The following ASB13 variants were observed in gnomAD, a reference collection of about 807,000 sequenced individuals.
ASB13 encodes ankyrin repeat and SOCS box containing 13, also known as ankyrin repeat and SOCS box protein 13.
In ASB13, 33 loss-of-function variants were observed where a neutral mutation model predicts 28.8. The observed-to-expected ratio is 1.15, with a 90% CI of 0.87 to 1.53. The LOEUF is 1.53. Ranked by LOEUF, ASB13 falls within the 40% of genes most tolerant of loss-of-function variation. The pLI is 0.00. For synonymous variants in ASB13, 182 were observed against 172.9 expected (o/e 1.05, Z -0.41); for missense variants, 414 against 390.1 (o/e 1.06, Z -0.52).
At position 5,649,346 on chromosome 10, in the gene ASB13, CT is replaced by C. The variant is rs1834948765; in HGVS notation, c.383-243del. On this transcript the variant is annotated intron_variant, in intron 3 of 5. Transcript: ENST00000357700. The surrounding 1 kb of genome is among the most constrained non-coding windows in gnomAD (Gnocchi z 6.4). Reference sequence around the variant, plus strand: ...CAGTGGGAGAAACGGGCCTGGCCGGCTTCTTGCTGTGAGAACAGAAGACATG... The same window carrying C: ...CAGTGGGAGAAACGGGCCTGGCCGGCTCTTGCTGTGAGAACAGAAGACATG... 6.6e-6 allele frequency among the ~76,000 whole-genome samples: 1 copy of C among 152,170 alleles called. No individual in the cohort carries two copies. The highest frequency in any genetic ancestry group is 1.5e-5 in the Non-Finnish European group (1 of 68,020).
In ASB13 at chr10:5,642,589, TA is replaced by T. The variant is rs1221844800; in HGVS notation, c.518-629del. On this transcript the variant is annotated intron_variant, in intron 4 of 5. Transcript: ENST00000357700. This position sits in a 1 kb window ranked among gnomAD's most constrained non-coding sequence, Gnocchi z 4.1. ...GTAAAGGTAAAAAAAAATTTTTTTTTAAAAAAAAGAGCAGACATTCAGAAAG... is the reference window on the plus strand; with the variant it reads ...GTAAAGGTAAAAAAAAATTTTTTTTTAAAAAAAGAGCAGACATTCAGAAAG... 1.6e-5 allele frequency: 17 copies of T among 1,077,086 alleles called. No homozygotes were observed. The highest frequency in any genetic ancestry group is 2.9e-5 in the South Asian group (2 of 67,868). 66.7% of individuals were successfully genotyped at this position (1,077,086 alleles called of 1,614,324 possible).
At position 5,649,246 on chromosome 10, in the gene ASB13, G is replaced by T. The variant is rs1203529641; in HGVS notation, c.383-142C>A. 2 of 1,181,426 alleles carry T rather than the reference G, an allele frequency of 1.7e-6. No homozygotes were observed. Among genetic ancestry groups the T allele is most frequent in the Admixed American group, 4.1e-5 (2 of 48,524 alleles). 73.2% of individuals were successfully genotyped at this position (1,181,426 alleles called of 1,614,324 possible). A position where few individuals can be genotyped will look rare whatever the true frequency, so the allele number is the denominator to read the frequency against. ...GCAGGCCTGCGTCCCAACCTAGGGA[G>T]GAGTTCATGACCCGCATGGCCCTCA... On this transcript the variant is annotated intron_variant, in intron 3 of 5. Coordinates refer to ENST00000357700, the MANE Select transcript of ASB13 (RefSeq NM_024701.4). The surrounding 1 kb of genome is among the most constrained non-coding windows in gnomAD (Gnocchi z 6.4).
rs1405990499 is a variant in ASB13, at chr10:5,656,521, C to T, written c.44-3471G>A. Reference sequence around the variant, plus strand: ...ACCATTGCATTCCAGCCTGGGCAACCGAGCAAGACTCCGTCTCAAGAAAAA... The same window carrying T: ...ACCATTGCATTCCAGCCTGGGCAACTGAGCAAGACTCCGTCTCAAGAAAAA... On this transcript the variant is annotated intron_variant, in intron 1 of 5. Coordinates refer to ENST00000357700, the MANE Select transcript of ASB13 (RefSeq NM_024701.4). This position sits in a 1 kb window ranked among gnomAD's most constrained non-coding sequence, Gnocchi z 4.3. Among the ~76,000 whole-genome samples the T allele has an allele frequency of 4.1e-5, 6 of 145,938 alleles. No individual in the cohort carries two copies. The highest frequency in any genetic ancestry group is 7.0e-5 in the Admixed American group (1 of 14,268).
intron 1 of ASB13, among the ~76,000 whole-genome samples, chr10:5,662,539 G>GGGGGGAGA (rs1554744100): frequency 0.012 from 499 of 40,338 alleles, 60 homozygotes; most frequent in African/African-American, 0.024. Flanking sequence ...AGAAGGGGGG[G>GGGGGGAGA]GGAGGGGAGG....
intron 4 of ASB13, 113 bp downstream of exon 4, chr10:5,648,857 G>T: frequency 6.5e-7 from 1 of 1,540,282 alleles, no homozygotes. Context: ...CACCCACTCG[G>T]GTAAACACCC....
rs1390342400 is a variant in ASB13, at chr10:5,639,188, G to A, written c.*1515C>T. On this transcript the variant is annotated 3_prime_UTR_variant, in exon 6 of 6. Coordinates refer to ENST00000357700, the MANE Select transcript of ASB13 (RefSeq NM_024701.4). Reference sequence around the variant, plus strand: ...CATGAAGTTTTTCGCCAGATTTGTGGCCCCACCCCCAAGTACCCACGCGGA... The same window carrying A: ...CATGAAGTTTTTCGCCAGATTTGTGACCCCACCCCCAAGTACCCACGCGGA... 4 of 152,642 alleles carry A rather than the reference G, an allele frequency of 2.6e-5. No homozygotes were observed. The highest frequency in any genetic ancestry group is 5.9e-5 in the Non-Finnish European group (4 of 68,106). 9.5% of individuals were successfully genotyped at this position (152,642 alleles called of 1,614,324 possible).
Position 5,651,502 on chromosome 10 carries a change from C to T in ASB13, c.232-139G>A. 2 of 959,514 alleles carry T rather than the reference C, an allele frequency of 2.1e-6. No homozygotes were observed. The highest frequency in any genetic ancestry group is 3.0e-6 in the Non-Finnish European group (2 of 664,262). The allele number at this position is 959,514 out of a possible 1,614,324, so 59.4% of individuals were successfully genotyped here. A position where few individuals can be genotyped will look rare whatever the true frequency, so the allele number is the denominator to read the frequency against. On this transcript the variant is annotated intron_variant, in intron 2 of 5. Transcript: ENST00000357700. The surrounding 1 kb of genome is among the most constrained non-coding windows in gnomAD (Gnocchi z 5.1). Reference sequence around the variant, plus strand: ...TTTGCTATTATGTGCTAGGCAACGACACTGAAAGAGATAGCACGTGGCTGC... The same window carrying T: ...TTTGCTATTATGTGCTAGGCAACGATACTGAAAGAGATAGCACGTGGCTGC...
chr10:5,654,120 G>A (rs971118522), intron 1 of ASB13, among the ~76,000 whole-genome samples: 5 of 148,056 alleles, frequency 3.4e-5, no homozygotes, highest in African/African-American at 1.2e-4. Context: ...TAAGGACGAT[G>A]TTAACTGGGT....
Position 5,644,777 on chromosome 10 carries a change from C to T in ASB13, c.518-2816G>A, listed in dbSNP as rs1264002914. Among the ~76,000 whole-genome samples the T allele has an allele frequency of 6.6e-6, 1 of 151,938 alleles. No individual in the cohort carries two copies. The highest frequency in any genetic ancestry group is 1.5e-5 in the Non-Finnish European group (1 of 68,002). The stretch of plus-strand genomic sequence containing the variant: ...AGGCTGCAGTGAGCAGAGATCACAC[C>T]ACTGCACTCCAGCCTGGGTGACAGA... On this transcript the variant is annotated intron_variant, in intron 4 of 5. Transcript: ENST00000357700. This position sits in a 1 kb window ranked among gnomAD's most constrained non-coding sequence, Gnocchi z 5.1.
rs572834451 is a variant in ASB13 at position 5,644,269 on chromosome 10, G to A, written c.518-2308C>T. Among the ~76,000 whole-genome samples, 16 of 152,180 alleles carry A rather than the reference G, an allele frequency of 1.1e-4. No homozygotes were observed. The Middle Eastern group carries it at 0.01, about 98-fold the overall frequency. On this transcript the variant is annotated intron_variant, in intron 4 of 5. Transcript: ENST00000357700. The surrounding 1 kb of genome is among the most constrained non-coding windows in gnomAD (Gnocchi z 5.1). Reference sequence around the variant, plus strand: ...AGCACTTTGGGAATTCGAGGCGAGCGGATCTCTTGGGCCCAGGAAATCGAG... The same window carrying A: ...AGCACTTTGGGAATTCGAGGCGAGCAGATCTCTTGGGCCCAGGAAATCGAG...
In ASB13 at chr10:5,645,364, TC is replaced by T. The variant is rs1335873756; in HGVS notation, c.518-3404del. On this transcript the variant is annotated intron_variant, in intron 4 of 5. Transcript: ENST00000357700. This position sits in a 1 kb window ranked among gnomAD's most constrained non-coding sequence, Gnocchi z 5.4. The stretch of plus-strand genomic sequence containing the variant: ...AAGAACAAAGGTGGAAGCAGGACCG[TC>T]CTCAGGGAGCCGCTTCCGAACACTC... 1.3e-5 allele frequency among the ~76,000 whole-genome samples: 2 copies of T among 152,146 alleles called. No individual in the cohort carries two copies. Among genetic ancestry groups the T allele is most frequent in the Non-Finnish European group, 2.9e-5 (2 of 68,028 alleles).
At chr10:5,648,939 T>C in intron 4 of ASB13, 31 bp downstream of exon 4, 2 of 1,609,446 alleles carry the variant, frequency 1.2e-6, no homozygotes, top group Non-Finnish European at 1.7e-6. Flanking sequence ...CCCACTCAGG[T>C]AAACACCCGC....
At chr10:5,662,947 G>T (rs4747978) in intron 1 of ASB13, among the ~76,000 whole-genome samples, 38,313 of 152,050 alleles carry the variant, frequency 0.25, 4,794 homozygotes, top group Admixed American at 0.31. Flanking sequence ...AAAAAAATAT[G>T]GATCTTTATT....
rs555401128 is a variant in ASB13 at position 5,642,549 on chromosome 10, T to G, written c.518-588A>C. 1.6e-6 allele frequency: 2 copies of G among 1,250,250 alleles called. No individual in the cohort carries two copies. The highest frequency in any genetic ancestry group is 2.7e-5 in the South Asian group (2 of 72,732). The allele number at this position is 1,250,250 out of a possible 1,614,324, so 77.4% of individuals were successfully genotyped here. On this transcript the variant is annotated intron_variant, in intron 4 of 5. Coordinates refer to ENST00000357700, the MANE Select transcript of ASB13 (RefSeq NM_024701.4). This position sits in a 1 kb window ranked among gnomAD's most constrained non-coding sequence, Gnocchi z 4.1. ...TTCTCACGATAAGAGCAGACATTCA[T>G]CAAGCTGATTAAAAGTAAAGGTAAA... is the stretch of plus-strand genomic sequence containing the variant.
chr10:5,643,448 ATT>A (rs1279401131), intron 4 of ASB13, among the ~76,000 whole-genome samples: 1 of 152,228 alleles, frequency 6.6e-6, no homozygotes, highest in Non-Finnish European at 1.5e-5. Flanking sequence ...TGATGACATA[ATT>A]TAAGAAAGTT....
At chr10:5,646,768 C>A (rs529597991) in intron 4 of ASB13, among the ~76,000 whole-genome samples, 1 of 152,152 alleles carries the variant, frequency 6.6e-6, no homozygotes, top group Non-Finnish European at 1.5e-5. Context: ...AAGTTGATCC[C>A]TTTCCCTACA....
intron 1 of ASB13, among the ~76,000 whole-genome samples, chr10:5,662,111 C>T (rs904948557): frequency 6.6e-6 from 1 of 152,150 alleles, no homozygotes; most frequent in African/African-American, 2.4e-5. Context: ...ATGGGCTCAT[C>T]CTCAGCTCTC....
rs1835157132 is a variant in ASB13 at position 5,661,054 on chromosome 10, CT to C, written c.43+5454del. Among the ~76,000 whole-genome samples the C allele has an allele frequency of 6.6e-6, 1 of 152,212 alleles. No homozygotes were observed. The highest frequency in any genetic ancestry group is 2.4e-5 in the African/African-American group (1 of 41,472). On this transcript the variant is annotated intron_variant, in intron 1 of 5. Transcript: ENST00000357700. The surrounding 1 kb of genome is among the most constrained non-coding windows in gnomAD (Gnocchi z 4.9). ...TTGTTTCTTTTTCTTTATTTTCCCC[CT>C]AGGCAGCTGGTTTGCCAGTATCTCC...
In ASB13 at chr10:5,651,538, C is replaced by T. The variant is rs1460526391; in HGVS notation, c.232-175G>A. ...ATAGCACGTGGCTGCGGAGCACCGA[C>T]GGCCTCCTGAGTAGAGAAGTCATCT... On this transcript the variant is annotated intron_variant, in intron 2 of 5. Coordinates refer to ENST00000357700, the MANE Select transcript of ASB13 (RefSeq NM_024701.4). The surrounding 1 kb of genome is among the most constrained non-coding windows in gnomAD (Gnocchi z 5.1). The T allele has an allele frequency of 1.2e-5, 8 of 661,032 alleles. No individual in the cohort carries two copies. Among genetic ancestry groups the T allele is most frequent in the African/African-American group, 3.7e-5 (2 of 54,368 alleles). 40.9% of individuals were successfully genotyped at this position (661,032 alleles called of 1,614,324 possible).
Sources: gnomAD v4.1 joint callset for allele counts (sites outside exome capture counted in the v4.1 genomes callset) on GRCh38, gnomAD v4.1.1 for gene constraint, Gnocchi (gnomAD v3.1) non-coding constraint, MANE v1.5 for transcripts, NCBI Gene and HGNC (gene_info 2026-07-23, HGNC 2026-07-21) for gene names.